The following DLG2 variants were observed in gnomAD, a reference collection of about 807,000 sequenced individuals.
DLG2 encodes discs large MAGUK scaffold protein 2, also known as disks large homolog 2.
Under a neutral mutation model 132.5 loss-of-function variants are expected in DLG2, and 45 were observed. The ratio of observed to expected loss-of-function variants is 0.34; its 90% CI spans 0.27 to 0.44. The LOEUF is 0.44. DLG2 is among the 20% of genes least tolerant of loss of function. DLG2 has a pLI of 1.00. For missense variants in DLG2, 1,045 were observed against 1,196.9 expected, an observed-to-expected ratio of 0.87 and a Z score of 1.87; for synonymous variants, 424 against 419.6, an observed-to-expected ratio of 1.01 and a Z score of -0.13.
intron 7 of DLG2, among the ~76,000 whole-genome samples, chr11:84,462,307 T>C (rs1014463756): frequency 6.6e-6 from 1 of 151,090 alleles, no homozygotes; most frequent in African/African-American, 2.4e-5. Flanking sequence ...ATCTCTTTTA[T>C]CCTTAGACAT....
intron 7 of DLG2, among the ~76,000 whole-genome samples, chr11:84,313,669 G>GAAAGAAAT (rs980451183): frequency 1.3e-5 from 2 of 150,994 alleles, no homozygotes; most frequent in African/African-American, 4.9e-5. Context: ...AAGAAAGAAA[G>GAAAGAAAT]AAAGAAAGAA....
chr11:83,941,861 G>A (rs942650213), intron 14 of DLG2, among the ~76,000 whole-genome samples: 1 of 152,102 alleles, frequency 6.6e-6, no homozygotes, highest in African/African-American at 2.4e-5. Flanking sequence ...TACATATTAT[G>A]CCACTGCTTT....
chr11:84,182,334 C>G (rs1218088630), intron 8 of DLG2, among the ~76,000 whole-genome samples: 2 of 151,632 alleles, frequency 1.3e-5, no homozygotes, highest in Non-Finnish European at 2.9e-5. Flanking sequence ...GATGTTTTAT[C>G]CAGCCTGGGC....
rs184059077 is a variant in DLG2 at position 84,464,558 on chromosome 11, T to C, written c.519+70012A>G. Reference sequence around the variant, plus strand: ...ATCTGTTTTGACTTTAGGTAATTTTTTTCAGTAGTGTAGAGTTTAGCTTTT... The same window carrying C: ...ATCTGTTTTGACTTTAGGTAATTTTCTTCAGTAGTGTAGAGTTTAGCTTTT... On this transcript the variant is annotated intron_variant, in intron 7 of 27. Transcript: ENST00000376104. 2.4e-3 allele frequency among the ~76,000 whole-genome samples: 365 copies of C among 151,362 alleles called. 2 individuals are homozygous for C. The highest frequency in any genetic ancestry group is 8.4e-3 in the African/African-American group (348 of 41,432).
At chr11:83,609,384 ATCTGGCTCTGTGCTCCTT>A (rs980169243) in intron 19 of DLG2, among the ~76,000 whole-genome samples, 5 of 152,172 alleles carry the variant, frequency 3.3e-5, no homozygotes, top group African/African-American at 1.2e-4. Context: ...CTAATGAGAA[ATCTGGCTCTGTGCTCCTT>A]TCTGGCTCCA....
At chr11:84,498,895 T>G (rs1003332247) in intron 7 of DLG2, among the ~76,000 whole-genome samples, 6 of 152,194 alleles carry the variant, frequency 3.9e-5, no homozygotes, top group African/African-American at 1.4e-4. Context: ...TGGGGTTGGA[T>G]GCAGGTATGT....
intron 6 of DLG2, among the ~76,000 whole-genome samples, chr11:84,775,204 G>C (rs148817829): frequency 7.9e-4 from 120 of 152,106 alleles, no homozygotes; most frequent in African/African-American, 2.9e-3. Context: ...CCACGAAAAT[G>C]CACATCAAAA....
At chr11:84,678,894 A>G (rs2099721678) in intron 6 of DLG2, among the ~76,000 whole-genome samples, 1 of 152,066 alleles carries the variant, frequency 6.6e-6, no homozygotes. Context: ...ATATAGCAGT[A>G]ATACTTATTG....
chr11:83,942,668 G>A lies in DLG2; in HGVS notation c.1341-12185C>T, dbSNP rs559311048. Among the ~76,000 whole-genome samples, 57 of 152,284 alleles carry A rather than the reference G, an allele frequency of 3.7e-4. No homozygotes were observed. In the South Asian group the frequency reaches 0.011, roughly 29 times the overall value. On this transcript the variant is annotated intron_variant, in intron 14 of 27. Coordinates refer to ENST00000376104, the MANE Select transcript of DLG2 (RefSeq NM_001142699.3). ...TGGAAAAGTTACCAACATGTTAATA[G>A]TGCTTTCTCTGAATGGCGGGATTAT... is the stretch of plus-strand genomic sequence containing the variant.
chr11:84,873,520 C>A (rs1446991026), intron 6 of DLG2, among the ~76,000 whole-genome samples: 3 of 152,150 alleles, frequency 2.0e-5, no homozygotes, highest in Non-Finnish European at 4.4e-5. Flanking sequence ...TTACCAAAGC[C>A]TTGAAAGGAT....
At chr11:85,339,602 G>C (rs1267325926) in intron 3 of DLG2, among the ~76,000 whole-genome samples, 2 of 152,148 alleles carry the variant, frequency 1.3e-5, no homozygotes, top group African/African-American at 2.4e-5. Context: ...AAGTGAATTT[G>C]AGCATTTGTT....
chr11:85,370,122 C>G (rs568300361), intron 3 of DLG2, among the ~76,000 whole-genome samples: 2 of 152,190 alleles, frequency 1.3e-5, no homozygotes, highest in South Asian at 4.1e-4. Flanking sequence ...AACTGACATA[C>G]GGAACTAACC....
chr11:83,606,259 G>C (rs1343751142), intron 19 of DLG2, among the ~76,000 whole-genome samples: 1 of 152,072 alleles, frequency 6.6e-6, no homozygotes, highest in African/African-American at 2.4e-5. Flanking sequence ...AACATTTATA[G>C]AATATATGTA....
chr11:84,612,244 A>T (rs1178819496), intron 6 of DLG2, among the ~76,000 whole-genome samples: 1 of 151,934 alleles, frequency 6.6e-6, no homozygotes, highest in Non-Finnish European at 1.5e-5. Context: ...TCTATGTTGC[A>T]TGTGTCAATA....
chr11:84,653,405 A>C (rs559586497), intron 6 of DLG2, among the ~76,000 whole-genome samples: 4 of 152,312 alleles, frequency 2.6e-5, no homozygotes, highest in African/African-American at 9.6e-5. Context: ...AAATCCCTGC[A>C]ATCAACAGAG....
In DLG2 at chr11:83,984,838, C is replaced by T. The variant is rs555759286; in HGVS notation, c.920-4196G>A. ...ATTTATCATTTCTTAGTGTTAGGAACATTTTAATTCTACTCTTAGTTATTT... is the reference window on the plus strand; with the variant it reads ...ATTTATCATTTCTTAGTGTTAGGAATATTTTAATTCTACTCTTAGTTATTT... On this transcript the variant is annotated intron_variant, in intron 11 of 27. Transcript: ENST00000376104. Among the ~76,000 whole-genome samples, 116 of 152,198 alleles carry T rather than the reference C, an allele frequency of 7.6e-4. 2 individuals are homozygous for T. Among genetic ancestry groups the T allele is most frequent in the African/African-American group, 2.6e-3 (106 of 41,562 alleles).
chr11:84,313,704 A>G (rs538826129), intron 7 of DLG2, among the ~76,000 whole-genome samples: 2 of 152,194 alleles, frequency 1.3e-5, no homozygotes, highest in African/African-American at 4.8e-5. Context: ...AGAGGATACG[A>G]AAGGAAAGGA....
chr11:83,477,547 T>C (rs950902642), intron 22 of DLG2, among the ~76,000 whole-genome samples: 3 of 152,120 alleles, frequency 2.0e-5, no homozygotes, highest in Non-Finnish European at 4.4e-5. Flanking sequence ...GTTGCCACGA[T>C]GTGTAACTCC....
At chr11:83,992,766 G>A (rs1443050302) in intron 11 of DLG2, among the ~76,000 whole-genome samples, 1 of 152,098 alleles carries the variant, frequency 6.6e-6, no homozygotes, top group Non-Finnish European at 1.5e-5. Flanking sequence ...AAGGAGGAAA[G>A]GACAGTGGAG....
Sources: gnomAD v4.1 joint callset for allele counts (sites outside exome capture counted in the v4.1 genomes callset) on GRCh38, gnomAD v4.1.1 for gene constraint, MANE v1.5 for transcripts, NCBI Gene and HGNC (gene_info 2026-07-23, HGNC 2026-07-21) for gene names.